CDH4: variants seen among roughly 807,000 people sequenced by gnomAD.
The protein encoded by CDH4 is cadherin-4.
In CDH4, 33 loss-of-function variants were observed where a neutral mutation model predicts 86.0. The observed-to-expected ratio is 0.38, with a 90% CI of 0.29 to 0.51. CDH4 has a LOEUF of 0.51. Ranked by LOEUF, CDH4 falls within the 20% of genes least tolerant of loss-of-function variation. CDH4 has a pLI of 0.86. For synonymous variants in CDH4, 555 were observed against 549.4 expected (o/e 1.01, Z -0.14); for missense variants, 1,114 against 1,307.4 (o/e 0.85, Z 2.28).
chr20:61,729,319 G>T (rs770276504), intron 2 of CDH4, among the ~76,000 whole-genome samples: 17 of 152,198 alleles, frequency 1.1e-4, no homozygotes, highest in Non-Finnish European at 1.9e-4. Flanking sequence ...GGCTAATGAG[G>T]CGCTCACAGC....
rs890369115 is a variant in CDH4, at chr20:61,480,559, C to T, written c.169+225622C>T. 1.6e-4 allele frequency among the ~76,000 whole-genome samples: 25 copies of T among 152,216 alleles called. No homozygotes were observed. Among genetic ancestry groups the T allele is most frequent in the African/African-American group, 5.1e-4 (21 of 41,452 alleles). On this transcript the variant is annotated intron_variant, in intron 2 of 15. Transcript: ENST00000614565. This position sits in a 1 kb window ranked among gnomAD's most constrained non-coding sequence, Gnocchi z 5.2. ...TCCCTTCCCAGTGGCAGCGAATCCC[C>T]GTCCTGACCGGGGCCTGGTGGCTGG...
intron 4 of CDH4, among the ~76,000 whole-genome samples, chr20:61,782,905 G>A (rs1248310843): frequency 6.6e-6 from 1 of 152,178 alleles, no homozygotes; most frequent in Non-Finnish European, 1.5e-5. Context: ...CCAACATGGT[G>A]AAACCCCATC....
intron 2 of CDH4, among the ~76,000 whole-genome samples, chr20:61,500,344 G>A (rs141662205): frequency 3.3e-5 from 5 of 152,364 alleles, no homozygotes; most frequent in East Asian, 1.9e-4. Flanking sequence ...ACTCGCGTTC[G>A]GAATTGCAGC....
chr20:61,922,167 T>C lies in CDH4; in HGVS notation c.1375-1284T>C, dbSNP rs373394859. ...GTCTCGACAGATACTACGCAATGAA[T>C]ACTCTTATGCATATGTTACTTTGCA... On this transcript the variant is annotated intron_variant, in intron 9 of 15. Transcript: ENST00000614565. Among the ~76,000 whole-genome samples the C allele has an allele frequency of 5.9e-5, 9 of 152,356 alleles. No homozygotes were observed. In the East Asian group the frequency reaches 1.7e-3, roughly 29 times the overall value.
At position 61,393,417 on chromosome 20, in the gene CDH4, A is replaced by AC. The variant is rs1181447042; in HGVS notation, c.169+138485dup. Among the ~76,000 whole-genome samples the AC allele has an allele frequency of 6.7e-6, 1 of 148,694 alleles. No individual in the cohort carries two copies. The highest frequency in any genetic ancestry group is 2.6e-5 in the African/African-American group (1 of 38,356). The stretch of plus-strand genomic sequence containing the variant: ...ACCACCAGCCCCTCTGATGTCGAGG[A>AC]CCCCCAGGGATTGGCAAAATTAAAC... On this transcript the variant is annotated intron_variant, in intron 2 of 15. Transcript: ENST00000614565. This position sits in a 1 kb window ranked among gnomAD's most constrained non-coding sequence, Gnocchi z 4.3.
intron 7 of CDH4, among the ~76,000 whole-genome samples, chr20:61,878,133 G>A (rs546791806): frequency 2.6e-5 from 4 of 152,172 alleles, no homozygotes; most frequent in East Asian, 1.9e-4. Context: ...AGGCCCCATC[G>A]TGGCCATGGC....
chr20:61,451,334 A>G (rs1416947293), intron 2 of CDH4, among the ~76,000 whole-genome samples: 1 of 152,200 alleles, frequency 6.6e-6, no homozygotes. Context: ...AGAGTGGTTC[A>G]GAGTGCTTGG....
At position 61,708,533 on chromosome 20, in the gene CDH4, G is replaced by A. The variant is rs2087857079; in HGVS notation, c.170-35030G>A. On this transcript the variant is annotated intron_variant, in intron 2 of 15. Coordinates refer to ENST00000614565, the MANE Select transcript of CDH4 (RefSeq NM_001794.5). The surrounding 1 kb of genome is among the most constrained non-coding windows in gnomAD (Gnocchi z 4.5). ...ACACCCGGCCACACAGCCCTGACTCGTAGCCGGTGGCTGCAGGCTCTTTGC... is the reference window on the plus strand; with the variant it reads ...ACACCCGGCCACACAGCCCTGACTCATAGCCGGTGGCTGCAGGCTCTTTGC... 2.0e-5 allele frequency among the ~76,000 whole-genome samples: 3 copies of A among 152,130 alleles called. No homozygotes were observed. Among genetic ancestry groups the A allele is most frequent in the Non-Finnish European group, 2.9e-5 (2 of 68,032 alleles).
At chr20:61,702,616 G>A (rs1033485065) in intron 2 of CDH4, among the ~76,000 whole-genome samples, 8 of 152,188 alleles carry the variant, frequency 5.3e-5, no homozygotes, top group African/African-American at 1.7e-4. Context: ...AAGGTAAAGC[G>A]GTTGCTTGTA....
In CDH4 at chr20:61,929,597, G is replaced by A. The variant is rs377585535; in HGVS notation, c.2006-12G>A. On this transcript the variant is annotated splice_polypyrimidine_tract_variant and intron_variant, in intron 12 of 15. Coordinates refer to ENST00000614565, the MANE Select transcript of CDH4 (RefSeq NM_001794.5). ...GGGCTCTGGTTGAATGTTTACTGTTGCTTTGCACCAGGTGACTATGCCCAA... is the reference window on the plus strand; with the variant it reads ...GGGCTCTGGTTGAATGTTTACTGTTACTTTGCACCAGGTGACTATGCCCAA... 1.0e-4 allele frequency: 161 copies of A among 1,605,492 alleles called. No homozygotes were observed. The highest frequency in any genetic ancestry group is 1.3e-4 in the Non-Finnish European group (158 of 1,172,638).
chr20:61,634,934 C>T (rs2086931335), intron 2 of CDH4, among the ~76,000 whole-genome samples: 1 of 152,212 alleles, frequency 6.6e-6, no homozygotes, highest in Non-Finnish European at 1.5e-5. Context: ...GCTTATTTCA[C>T]TTAGCATGAT....
intron 2 of CDH4, among the ~76,000 whole-genome samples, chr20:61,576,883 T>G (rs1252099203): frequency 6.6e-6 from 1 of 152,246 alleles, no homozygotes; most frequent in East Asian, 1.9e-4. Flanking sequence ...CCATTAATCC[T>G]TGGGACTCTA....
chr20:61,507,585 A>G (rs1180840120), intron 2 of CDH4, among the ~76,000 whole-genome samples: 1 of 151,948 alleles, frequency 6.6e-6, no homozygotes, highest in African/African-American at 2.4e-5. Flanking sequence ...TTTTTCTAGG[A>G]AAAAAAAGGG....
At chr20:61,928,081 C>A in intron 11 of CDH4, 109 bp from the exon 12 acceptor site, 1 of 842,352 alleles carries the variant, frequency 1.2e-6, no homozygotes, top group Non-Finnish European at 2.0e-6. Context: ...GCACATGTGT[C>A]CCTGTGTATG....
chr20:61,595,356 C>A (rs1393964864), intron 2 of CDH4, among the ~76,000 whole-genome samples: 1 of 152,256 alleles, frequency 6.6e-6, no homozygotes, highest in Non-Finnish European at 1.5e-5. Context: ...CTGCCCTGAG[C>A]AGATTCCCTT....
chr20:61,711,012 C>G (rs1355434262), intron 2 of CDH4, among the ~76,000 whole-genome samples: 1 of 152,122 alleles, frequency 6.6e-6, no homozygotes, highest in Admixed American at 6.5e-5. Flanking sequence ...GTGACCCCAC[C>G]CAAAATCTCA....
intron 2 of CDH4, among the ~76,000 whole-genome samples, chr20:61,361,455 G>A (rs948209491): frequency 6.6e-6 from 1 of 152,184 alleles, no homozygotes; most frequent in African/African-American, 2.4e-5. Flanking sequence ...ATTTTCCAGG[G>A]GATGGGGAGG....
At chr20:61,561,313 G>T (rs1439143269) in intron 2 of CDH4, among the ~76,000 whole-genome samples, 1 of 152,230 alleles carries the variant, frequency 6.6e-6, no homozygotes, top group Non-Finnish European at 1.5e-5. Context: ...GCTTGGCCCT[G>T]TGTTTTCACC....
At chr20:61,763,293 G>A (rs1376299171) in intron 3 of CDH4, among the ~76,000 whole-genome samples, 1 of 151,280 alleles carries the variant, frequency 6.6e-6, no homozygotes, top group African/African-American at 2.4e-5. Flanking sequence ...GCATCAGATG[G>A]CCCCCCACAA....
Sources: gnomAD v4.1 joint callset for allele counts (sites outside exome capture counted in the v4.1 genomes callset) on GRCh38, gnomAD v4.1.1 for gene constraint, Gnocchi (gnomAD v3.1) non-coding constraint, MANE v1.5 for transcripts, NCBI Gene and HGNC (gene_info 2026-07-23, HGNC 2026-07-21) for gene names.